ITSN2: variants seen among roughly 807,000 people sequenced by gnomAD.
The protein encoded by ITSN2 is intersectin-2.
In ITSN2, 156 loss-of-function variants were observed where a neutral mutation model predicts 243.7. The observed-to-expected ratio is 0.64, with a 90% CI of 0.56 to 0.73. The LOEUF (loss-of-function observed/expected upper bound fraction) is 0.73, where lower values mean the gene tolerates loss of function less well. ITSN2 is among the 30% of genes least tolerant of loss of function. The pLI is 0.00. For synonymous variants in ITSN2, 703 were observed against 699.9 expected, an observed-to-expected ratio of 1.00 and a Z score of -0.07; for missense variants, 1,801 against 1,996.1, an observed-to-expected ratio of 0.90 and a Z score of 1.86.
chr2:24,270,351 C>A (rs1014838949), intron 20 of ITSN2, among the ~76,000 whole-genome samples: 1 of 152,172 alleles, frequency 6.6e-6, no homozygotes, highest in Admixed American at 6.5e-5. Context: ...TCCTTCAATT[C>A]TTTTAACAGT....
chr2:24,248,426 G>A (rs1239025864), intron 27 of ITSN2, among the ~76,000 whole-genome samples: 2 of 152,098 alleles, frequency 1.3e-5, no homozygotes, highest in Non-Finnish European at 2.9e-5. Context: ...TCCTTAAATT[G>A]TTACTTATAA....
intron 29 of ITSN2, chr2:24,221,333 G>A (rs771139793): frequency 1.1e-5 from 4 of 370,600 alleles, no homozygotes; most frequent in Non-Finnish European, 4.8e-6. Flanking sequence ...TGTGCAGAGC[G>A]TGTGAAGAAT....
chr2:24,222,123 G>A (rs768945374), intron 29 of ITSN2, among the ~76,000 whole-genome samples: 1 of 151,892 alleles, frequency 6.6e-6, no homozygotes, highest in Non-Finnish European at 1.5e-5. Context: ...GTGGTGGTGG[G>A]CGCCTGTAGT....
At chr2:24,222,025 G>T (rs1670495339) in intron 29 of ITSN2, among the ~76,000 whole-genome samples, 2 of 152,138 alleles carry the variant, frequency 1.3e-5, no homozygotes, top group Non-Finnish European at 2.9e-5. Flanking sequence ...GGCCAAGGTG[G>T]GTGTATCACG....
intron 15 of ITSN2, 97 bp from the exon 16 acceptor site, chr2:24,286,448 C>T: frequency 1.0e-6 from 1 of 987,358 alleles, no homozygotes; most frequent in South Asian, 1.4e-5. Flanking sequence ...GTAACTAGAC[C>T]AATACGAAGG....
At chr2:24,258,732 C>CT (rs61267946) in intron 22 of ITSN2, among the ~76,000 whole-genome samples, 1 of 152,144 alleles carries the variant, frequency 6.6e-6, no homozygotes, top group Non-Finnish European at 1.5e-5. Flanking sequence ...TAGTCTTAAA[C>CT]TTTTTTTCCA....
Position 24,221,137 on chromosome 2 carries a change from G to C in ITSN2, c.3578-71C>G, listed in dbSNP as rs555369776. 2.0e-6 allele frequency: 3 copies of C among 1,489,074 alleles called. No homozygotes were observed. In the Admixed American group the frequency reaches 6.4e-5, roughly 32 times the overall value. 92.2% of individuals were successfully genotyped at this position (1,489,074 alleles called of 1,614,324 possible). The stretch of plus-strand genomic sequence containing the variant: ...TGTAGAAAATAGACATTTGTCAGCA[G>C]ATGTGCTGGGTTTACAAATGCTGCT... On this transcript the variant is annotated intron_variant, in intron 29 of 39. Transcript: ENST00000355123.
At chr2:24,349,971 T>C (rs902206009) in intron 1 of ITSN2, among the ~76,000 whole-genome samples, 6 of 152,194 alleles carry the variant, frequency 3.9e-5, no homozygotes, top group African/African-American at 1.4e-4. Flanking sequence ...GTACTAATTT[T>C]CTAGTGCTGC....
At position 24,315,119 on chromosome 2, in the gene ITSN2, T is replaced by G; in HGVS notation, c.124+13A>C. 6.8e-7 allele frequency: 1 copy of G among 1,463,676 alleles called. No individual in the cohort carries two copies. Among genetic ancestry groups the G allele is most frequent in the Non-Finnish European group, 9.5e-7 (1 of 1,053,808 alleles). 90.7% of individuals were successfully genotyped at this position (1,463,676 alleles called of 1,614,324 possible). A position where few individuals can be genotyped will look rare whatever the true frequency, so the allele number is the denominator to read the frequency against. On this transcript the variant is annotated intron_variant, in intron 3 of 39. Transcript: ENST00000355123. ...ACCATAATTCACTAATAAAACTAAT[T>G]ATAAATACAAACCTGTTATGTAACC... is the stretch of plus-strand genomic sequence containing the variant.
At position 24,305,175 on chromosome 2, in the gene ITSN2, CT is replaced by C. The variant is rs1302365130; in HGVS notation, c.794-1314del. On this transcript the variant is annotated intron_variant, in intron 8 of 39. Transcript: ENST00000355123. ...CAAAGATATGAACCATGTCTTGCCCCTGTCTGTATTCCTGTGCCTAAGAGAG... is the reference window on the plus strand; with the variant it reads ...CAAAGATATGAACCATGTCTTGCCCCGTCTGTATTCCTGTGCCTAAGAGAG... Among the ~76,000 whole-genome samples, 6 of 151,664 alleles carry C rather than the reference CT, an allele frequency of 4.0e-5. No individual in the cohort carries two copies. The East Asian group carries it at 9.6e-4, about 24-fold the overall frequency.
Position 24,339,215 on chromosome 2 carries a change from G to T in ITSN2, c.-33-11100C>A, listed in dbSNP as rs1156692597. ...TCTTAAGAGGTACAAGAGGCCAGGT[G>T]TGGTAGCTCACACCTGTAATCCCAG... On this transcript the variant is annotated intron_variant, in intron 1 of 39. Transcript: ENST00000355123. Among the ~76,000 whole-genome samples, 3 of 152,144 alleles carry T rather than the reference G, an allele frequency of 2.0e-5. No individual in the cohort carries two copies. In the East Asian group the frequency reaches 5.8e-4, roughly 29 times the overall value.
At chr2:24,329,988 A>G (rs2246173) in intron 1 of ITSN2, among the ~76,000 whole-genome samples, 149,144 of 152,336 alleles carry the variant, frequency 0.98, 73,007 homozygotes, top group East Asian at 0.99. Context: ...CTACATGGCT[A>G]AAAACAAACT....
chr2:24,207,992 G>A (rs1008349480), intron 37 of ITSN2, among the ~76,000 whole-genome samples: 1 of 152,014 alleles, frequency 6.6e-6, no homozygotes, highest in Admixed American at 6.5e-5. Flanking sequence ...AGTGGAGTGG[G>A]GGGGATAGAG....
chr2:24,304,111 A>C (rs989439090), intron 8 of ITSN2, among the ~76,000 whole-genome samples: 15 of 152,224 alleles, frequency 9.9e-5, no homozygotes, highest in East Asian at 7.7e-4. Flanking sequence ...CAAGATAATA[A>C]TACACACAAG....
At chr2:24,327,104 T>G (rs1264494711) in intron 2 of ITSN2, among the ~76,000 whole-genome samples, 1 of 151,994 alleles carries the variant, frequency 6.6e-6, no homozygotes, top group Non-Finnish European at 1.5e-5. Flanking sequence ...AATTAAGAAT[T>G]CAGAATCTAG....
At chr2:24,297,395 A>G (rs1463300553) in intron 13 of ITSN2, among the ~76,000 whole-genome samples, 3 of 152,200 alleles carry the variant, frequency 2.0e-5, no homozygotes, top group Non-Finnish European at 4.4e-5. Flanking sequence ...CATTTCAAAC[A>G]AAGTCTTTTA....
At position 24,261,584 on chromosome 2, in the gene ITSN2, T is replaced by C. The variant is rs148314336; in HGVS notation, c.2514A>G (p.Leu838=). The C allele has an allele frequency of 2.7e-5, 43 of 1,612,696 alleles. No homozygotes were observed. In the African/African-American group the frequency reaches 5.2e-4, roughly 20 times the overall value. Reference sequence around the variant, plus strand: ...ACTCAGAGGAAGTTGAGGTAGCAGATAAAGAAACTGTAGGAGGAAGTAAGG... The same window carrying C: ...ACTCAGAGGAAGTTGAGGTAGCAGACAAAGAAACTGTAGGAGGAAGTAAGG... ...KKALLPPTVS[L]SATSTSSEPL... Residue 838 remains leucine (L), a synonymous_variant, in exon 21 of 40, where the codon TTA becomes TTG. Coordinates refer to ENST00000355123, the MANE Select transcript of ITSN2 (RefSeq NM_006277.3).
Position 24,248,883 on chromosome 2 carries a change from C to G in ITSN2, c.3121-1G>C. ...CAGACTTGCTAGCACTCCCAAAACT[C>G]TACAAGGAAAAGATACCGTGTTGTT... is the stretch of plus-strand genomic sequence containing the variant. On this transcript the variant is annotated splice_acceptor_variant, in intron 25 of 39. Coordinates refer to ENST00000355123, the MANE Select transcript of ITSN2 (RefSeq NM_006277.3). LOFTEE classifies it high-confidence loss of function. The G allele has an allele frequency of 5.0e-6, 8 of 1,613,246 alleles. No homozygotes were observed. The highest frequency in any genetic ancestry group is 5.9e-6 in the Non-Finnish European group (7 of 1,179,294).
rs1675284348 is a variant in ITSN2, at chr2:24,258,010, A to G, written c.2766T>C (p.His922=). The change falls in exon 23 of 40, where the codon CAT becomes CAC. Residue 922 remains histidine, a synonymous_variant. Transcript: ENST00000355123. ...GCTGCTCCAAGACAGTAATAATGTC[A>G]TGTTTTGAGAAGTTCAAGTGGTTAT... is the stretch of plus-strand genomic sequence containing the variant. ...KKDNHLNFSK[H]DIITVLEQQE... 3 of 1,614,060 alleles carry G rather than the reference A, an allele frequency of 1.9e-6. No homozygotes were observed. Among genetic ancestry groups the G allele is most frequent in the East Asian group, 4.5e-5 (2 of 44,872 alleles).
Sources: gnomAD v4.1 joint callset for allele counts (sites outside exome capture counted in the v4.1 genomes callset) on GRCh38, gnomAD v4.1.1 for gene constraint, MANE v1.5 for transcripts, NCBI Gene and HGNC (gene_info 2026-07-23, HGNC 2026-07-21) for gene names.